HS6ST2: variants seen among roughly 807,000 people sequenced by gnomAD.
HS6ST2 encodes the protein heparan-sulfate 6-O-sulfotransferase 2.
In HS6ST2, 17 loss-of-function variants were observed where a neutral mutation model predicts 33.0. The observed-to-expected ratio is 0.52, with a 90% CI of 0.35 to 0.77. HS6ST2 has a LOEUF of 0.77. Among genes scored for constraint, HS6ST2 ranks in the 30% least tolerant of loss-of-function variants. The pLI is 0.01. For synonymous variants in HS6ST2, 248 were observed against 237.1 expected (o/e 1.05, Z -0.42); for missense variants, 519 against 551.7 (o/e 0.94, Z 0.59).
intron 2 of HS6ST2, among the ~76,000 whole-genome samples, chrX:132,952,022 A>C (rs2067020833): frequency 8.9e-6 from 1 of 112,304 alleles, no homozygotes; most frequent in South Asian, 3.7e-4. Context: ...GAATGACAGA[A>C]AAAAACGGAT....
At chrX:132,866,055 A>G (rs1312155960) in intron 2 of HS6ST2, among the ~76,000 whole-genome samples, 1 of 111,063 alleles carries the variant, frequency 9.0e-6, no homozygotes, top group African/African-American at 3.3e-5. Flanking sequence ...GTCCTTGCCC[A>G]TGCCTATGTC....
intron 3 of HS6ST2, among the ~76,000 whole-genome samples, chrX:132,679,022 T>C (rs2063946782): frequency 9.0e-6 from 1 of 111,316 alleles, no homozygotes; most frequent in Admixed American, 9.5e-5. Flanking sequence ...TCCTTAGAAA[T>C]AGAAAAGTAA....
intron 2 of HS6ST2, among the ~76,000 whole-genome samples, chrX:132,815,610 C>G (rs915187105): frequency 3.6e-5 from 4 of 111,961 alleles, no homozygotes; most frequent in Non-Finnish European, 7.5e-5. Flanking sequence ...GCTTTTTGTT[C>G]TTGGGCAAGT....
At chrX:132,883,556 G>A (rs767454819) in intron 2 of HS6ST2, among the ~76,000 whole-genome samples, 68 of 111,064 alleles carry the variant, frequency 6.1e-4, no homozygotes, top group African/African-American at 2.1e-3. Flanking sequence ...TGTACAGAGC[G>A]CCCTTAACAT....
At chrX:132,817,288 G>A (rs2065403821) in intron 2 of HS6ST2, among the ~76,000 whole-genome samples, 1 of 110,721 alleles carries the variant, frequency 9.0e-6, no homozygotes, top group African/African-American at 3.3e-5. Flanking sequence ...GAAATAAAAG[G>A]CAGGGGAGAT....
chrX:132,839,714 CT>C (rs2065689734), intron 2 of HS6ST2, among the ~76,000 whole-genome samples: 1 of 110,448 alleles, frequency 9.1e-6, no homozygotes. Flanking sequence ...AAAAAGTTAC[CT>C]ATGAGGATCA....
intron 3 of HS6ST2, among the ~76,000 whole-genome samples, chrX:132,703,719 C>T (rs1049982078): frequency 8.9e-6 from 1 of 111,912 alleles, no homozygotes; most frequent in African/African-American, 3.2e-5. Flanking sequence ...AATGTAAAAC[C>T]CCAAAGCAAT....
intron 2 of HS6ST2, among the ~76,000 whole-genome samples, chrX:132,805,276 A>G (rs2065270855): frequency 8.9e-6 from 1 of 111,734 alleles, no homozygotes; most frequent in South Asian, 3.8e-4. Context: ...GGGGCACAAC[A>G]TGGGCAAATC....
chrX:132,904,757 G>A (rs1370240983), intron 2 of HS6ST2, among the ~76,000 whole-genome samples: 8 of 106,792 alleles, frequency 7.5e-5, no homozygotes, highest in Admixed American at 2.0e-4. Context: ...CAAACTCCTG[G>A]TCTCAAGCAA....
chrX:132,813,906 T>C (rs1349565951), intron 2 of HS6ST2, among the ~76,000 whole-genome samples: 1 of 111,327 alleles, frequency 9.0e-6, no homozygotes, highest in Non-Finnish European at 1.9e-5. Flanking sequence ...GCAATGAAAA[T>C]ATGTTTCCCC....
rs183533519 is a variant in HS6ST2, at chrX:132,771,270, T to C, written c.948-62776A>G. Among the ~76,000 whole-genome samples the C allele has an allele frequency of 3.3e-4, 37 of 112,359 alleles. No homozygotes were observed. In the East Asian group the frequency reaches 8.9e-3, roughly 27 times the overall value. On this transcript the variant is annotated intron_variant, in intron 2 of 4. Coordinates refer to ENST00000370833, the MANE Select transcript of HS6ST2 (RefSeq NM_001394073.1). Reference sequence around the variant, plus strand: ...AATGATACACTTTGGGTTGTGACACTGCAGGTGATCTTTATTTTCTTTTTA... The same window carrying C: ...AATGATACACTTTGGGTTGTGACACCGCAGGTGATCTTTATTTTCTTTTTA...
intron 2 of HS6ST2, among the ~76,000 whole-genome samples, chrX:132,739,496 C>G (rs1334968964): frequency 1.8e-5 from 2 of 111,067 alleles, no homozygotes; most frequent in Admixed American, 9.6e-5. Flanking sequence ...AGACGGATCA[C>G]TTGAGGTCAG....
At chrX:132,844,036 G>A (rs2065728391) in intron 2 of HS6ST2, among the ~76,000 whole-genome samples, 1 of 111,970 alleles carries the variant, frequency 8.9e-6, no homozygotes, top group Admixed American at 9.5e-5. Flanking sequence ...AATTCCAGCT[G>A]TGCTGCCTCA....
In HS6ST2 at chrX:132,879,940, T is replaced by C. The variant is rs1030182804; in HGVS notation, c.947+76868A>G. 1.2e-4 allele frequency among the ~76,000 whole-genome samples: 13 copies of C among 111,359 alleles called. No homozygotes were observed. The East Asian group carries it at 3.7e-3, about 32-fold the overall frequency. On this transcript the variant is annotated intron_variant, in intron 2 of 4. Transcript: ENST00000370833. ...CCTGGCACATCTCCTCCACTTCTTG[T>C]TCTTGCCTGTTAGTATACTACACTC...
At chrX:132,947,267 T>C (rs1369542795) in intron 2 of HS6ST2, among the ~76,000 whole-genome samples, 1 of 110,383 alleles carries the variant, frequency 9.1e-6, no homozygotes, top group Non-Finnish European at 1.9e-5. Context: ...TAGATGTATA[T>C]GTATATGTGT....
chrX:132,664,882 T>C (rs1223472596), intron 4 of HS6ST2, among the ~76,000 whole-genome samples: 4 of 112,141 alleles, frequency 3.6e-5, no homozygotes, highest in Non-Finnish European at 5.6e-5. Flanking sequence ...GATGTAGATA[T>C]ATGTGTGTCT....
chrX:132,877,520 G>A (rs1391574636), intron 2 of HS6ST2, among the ~76,000 whole-genome samples: 1 of 111,298 alleles, frequency 9.0e-6, no homozygotes, highest in Admixed American at 9.6e-5. Flanking sequence ...CAAGTCTGGG[G>A]CTTGAGTCCT....
At chrX:132,702,129 C>G (rs1331172732) in intron 3 of HS6ST2, among the ~76,000 whole-genome samples, 1 of 112,271 alleles carries the variant, frequency 8.9e-6, no homozygotes, top group Non-Finnish European at 1.9e-5. Flanking sequence ...CAAAATTAAA[C>G]AGCATATTGA....
intron 4 of HS6ST2, among the ~76,000 whole-genome samples, chrX:132,664,803 C>G (rs908691675): frequency 8.9e-6 from 1 of 111,855 alleles, no homozygotes; most frequent in African/African-American, 3.3e-5. Context: ...GAGGAGTGAT[C>G]GAGTTCCATC....
Sources: gnomAD v4.1 joint callset for allele counts (sites outside exome capture counted in the v4.1 genomes callset) on GRCh38, gnomAD v4.1.1 for gene constraint, MANE v1.5 for transcripts, NCBI Gene and HGNC (gene_info 2026-07-23, HGNC 2026-07-21) for gene names.